THSD7A: variants seen among roughly 807,000 people sequenced by gnomAD.
The protein encoded by THSD7A is thrombospondin type 1 domain containing 7A, also known as thrombospondin type-1 domain-containing protein 7A.
In THSD7A, 96 loss-of-function variants were observed where a neutral mutation model predicts 231.3. The ratio of observed to expected loss-of-function variants is 0.41; its 90% CI spans 0.35 to 0.49. The LOEUF (loss-of-function observed/expected upper bound fraction) is 0.49, where lower values mean the gene tolerates loss of function less well. THSD7A is among the 20% of genes least tolerant of loss of function. The pLI is 0.05. For missense variants in THSD7A, 2,290 were observed against 2,070.2 expected (o/e 1.11, Z -2.06); for synonymous variants, 940 against 743.3 (o/e 1.26, Z -4.30).
At chr7:11,495,419 T>C (rs1487981381) in intron 6 of THSD7A, among the ~76,000 whole-genome samples, 2 of 152,104 alleles carry the variant, frequency 1.3e-5, no homozygotes, top group Non-Finnish European at 2.9e-5. Context: ...ACAGCACTTA[T>C]ACGTGAATGC....
intron 11 of THSD7A, among the ~76,000 whole-genome samples, chr7:11,452,761 G>A (rs977959807): frequency 2.0e-5 from 3 of 151,958 alleles, no homozygotes; most frequent in African/African-American, 4.8e-5. Context: ...TTTTATGACA[G>A]ATCTCCCAGA....
At chr7:11,720,204 C>A (rs186617729) in intron 1 of THSD7A, among the ~76,000 whole-genome samples, 4 of 151,770 alleles carry the variant, frequency 2.6e-5, no homozygotes, top group Non-Finnish European at 4.4e-5. Context: ...CCATTCTCTA[C>A]CAGAAAACTG....
At chr7:11,618,247 G>A (rs1409739639) in intron 2 of THSD7A, among the ~76,000 whole-genome samples, 1 of 152,004 alleles carries the variant, frequency 6.6e-6, no homozygotes, top group African/African-American at 2.4e-5. Flanking sequence ...AACTTGGAGG[G>A]GTTTCTACAG....
chr7:11,440,057 G>A (rs1784755132), intron 13 of THSD7A, among the ~76,000 whole-genome samples: 1 of 151,942 alleles, frequency 6.6e-6, no homozygotes, highest in Non-Finnish European at 1.5e-5. Context: ...GTGACTTTAA[G>A]TTGAAGCCAA....
intron 1 of THSD7A, among the ~76,000 whole-genome samples, chr7:11,784,146 C>A (rs183208804): frequency 4.0e-5 from 6 of 151,896 alleles, no homozygotes; most frequent in African/African-American, 1.4e-4. Context: ...GCTATTAATA[C>A]TGCTTGTGAT....
chr7:11,818,300 G>T (rs892517513), intron 1 of THSD7A, among the ~76,000 whole-genome samples: 1 of 152,176 alleles, frequency 6.6e-6, no homozygotes, highest in Non-Finnish European at 1.5e-5. Flanking sequence ...CATAATCAAT[G>T]TCTGTGTCCA....
At chr7:11,692,117 A>G (rs914749900) in intron 1 of THSD7A, among the ~76,000 whole-genome samples, 1 of 151,516 alleles carries the variant, frequency 6.6e-6, no homozygotes, top group African/African-American at 2.4e-5. Flanking sequence ...TTCCAGCTCA[A>G]TACAAGTGGT....
At chr7:11,701,604 A>G (rs1182696988) in intron 1 of THSD7A, among the ~76,000 whole-genome samples, 1 of 151,078 alleles carries the variant, frequency 6.6e-6, no homozygotes, top group East Asian at 2.0e-4. Flanking sequence ...TGCTTTTCAA[A>G]ATTTAGTGTT....
chr7:11,695,161 C>G (rs1039351646), intron 1 of THSD7A, among the ~76,000 whole-genome samples: 1 of 151,512 alleles, frequency 6.6e-6, no homozygotes. Flanking sequence ...TTTCATAGAT[C>G]TTTCATCACA....
intron 4 of THSD7A, among the ~76,000 whole-genome samples, chr7:11,573,658 G>T (rs950712461): frequency 5.3e-5 from 8 of 152,096 alleles, no homozygotes; most frequent in African/African-American, 1.9e-4. Context: ...CAATATGTTT[G>T]CTTTCTGATT....
chr7:11,415,494 T>G (rs1302336128), intron 17 of THSD7A, among the ~76,000 whole-genome samples: 2 of 152,198 alleles, frequency 1.3e-5, no homozygotes, highest in Non-Finnish European at 2.9e-5. Context: ...AAGCTTATTT[T>G]CCCAGGTTCA....
intron 1 of THSD7A, among the ~76,000 whole-genome samples, chr7:11,711,453 G>C (rs948903884): frequency 6.6e-6 from 1 of 150,964 alleles, no homozygotes; most frequent in South Asian, 2.1e-4. Context: ...ATCTGCTGAC[G>C]AATTAAATTT....
chr7:11,489,396 G>T (rs1043436867), intron 6 of THSD7A, among the ~76,000 whole-genome samples: 5 of 151,984 alleles, frequency 3.3e-5, no homozygotes, highest in Non-Finnish European at 5.9e-5. Context: ...CTTATTTTAG[G>T]AAACTTGCAA....
intron 6 of THSD7A, among the ~76,000 whole-genome samples, chr7:11,534,127 T>C (rs1185824312): frequency 6.6e-6 from 1 of 152,170 alleles, no homozygotes; most frequent in Non-Finnish European, 1.5e-5. Flanking sequence ...GATAATATAA[T>C]TGCATGAGAA....
At chr7:11,580,329 G>A (rs1018785454) in intron 4 of THSD7A, among the ~76,000 whole-genome samples, 5 of 152,066 alleles carry the variant, frequency 3.3e-5, no homozygotes, top group African/African-American at 9.7e-5. Flanking sequence ...TAAGGGTACA[G>A]GTTCGTTATT....
intron 1 of THSD7A, among the ~76,000 whole-genome samples, chr7:11,699,915 A>G (rs1428040561): frequency 6.6e-6 from 1 of 151,286 alleles, no homozygotes; most frequent in Non-Finnish European, 1.5e-5. Flanking sequence ...CTGTCCCAGT[A>G]CGTCTTGTCT....
intron 1 of THSD7A, among the ~76,000 whole-genome samples, chr7:11,776,929 C>T (rs1013039016): frequency 2.0e-5 from 3 of 152,126 alleles, no homozygotes; most frequent in African/African-American, 7.2e-5. Context: ...GCTTTTGAAA[C>T]ATTGCTGTAG....
intron 23 of THSD7A, among the ~76,000 whole-genome samples, chr7:11,399,816 C>T (rs376339801): frequency 1.5e-4 from 23 of 152,248 alleles, no homozygotes; most frequent in South Asian, 6.2e-4. Context: ...ACTGGGTATA[C>T]GCCCAAAGGA....
At chr7:11,540,653 T>A (rs1789106693) in intron 6 of THSD7A, among the ~76,000 whole-genome samples, 1 of 152,060 alleles carries the variant, frequency 6.6e-6, no homozygotes, top group South Asian at 2.1e-4. Context: ...AGTCTTGTGG[T>A]TTTCAAGTGT....
Sources: allele counts gnomAD v4.1 joint callset (sites outside exome capture counted in the v4.1 genomes callset), GRCh38; gene constraint gnomAD v4.1.1; transcripts MANE v1.5; gene names NCBI Gene and HGNC (gene_info 2026-07-23, HGNC 2026-07-21).